Variants in NRG3 observed in about 807,000 individuals in gnomAD.
The protein encoded by NRG3 is pro-neuregulin-3, membrane-bound isoform.
In NRG3, 31 loss-of-function variants were observed where a neutral mutation model predicts 66.9. The ratio of observed to expected loss-of-function variants is 0.46; its 90% CI spans 0.35 to 0.63. The LOEUF is 0.63. Among genes scored for constraint, NRG3 ranks in the 20% least tolerant of loss-of-function variants. The pLI is 0.00. For missense variants in NRG3, 910 were observed against 878.9 expected (o/e 1.04, Z -0.45); for synonymous variants, 393 against 359.4 (o/e 1.09, Z -1.06).
chr10:82,346,143 A>G (rs1445596839), intron 1 of NRG3, among the ~76,000 whole-genome samples: 1 of 145,780 alleles, frequency 6.9e-6, no homozygotes, highest in Non-Finnish European at 1.5e-5. Flanking sequence ...GTCTTGTGCC[A>G]GTTTTCAAAG....
chr10:82,975,193 A>T (rs1852135072), intron 7 of NRG3, among the ~76,000 whole-genome samples: 1 of 152,214 alleles, frequency 6.6e-6, no homozygotes, highest in African/African-American at 2.4e-5. Flanking sequence ...TAATTAGGGA[A>T]ATAAGTCCAA....
chr10:82,974,692 A>T (rs1852083700), intron 7 of NRG3, among the ~76,000 whole-genome samples: 1 of 152,220 alleles, frequency 6.6e-6, no homozygotes, highest in Admixed American at 6.5e-5. Context: ...AATTTGAAAA[A>T]ATTATGAAAA....
intron 2 of NRG3, among the ~76,000 whole-genome samples, chr10:82,430,727 T>A (rs1362615988): frequency 6.6e-6 from 1 of 152,210 alleles, no homozygotes; most frequent in South Asian, 2.1e-4. Flanking sequence ...GTGTTTTTGG[T>A]CATGAGTAAC....
chr10:82,639,297 G>C (rs755261121), intron 2 of NRG3, among the ~76,000 whole-genome samples: 19 of 152,138 alleles, frequency 1.2e-4, no homozygotes, highest in Non-Finnish European at 2.6e-4. Context: ...GGGTAAACAG[G>C]CTCCCTTGGG....
At chr10:82,758,555 G>T (rs573252332) in intron 3 of NRG3, among the ~76,000 whole-genome samples, 9 of 152,102 alleles carry the variant, frequency 5.9e-5, no homozygotes, top group African/African-American at 2.2e-4. Context: ...CCTGTTTATT[G>T]TCACCGAATA....
chr10:82,814,767 C>T (rs1401859836), intron 3 of NRG3, among the ~76,000 whole-genome samples: 1 of 152,176 alleles, frequency 6.6e-6, no homozygotes, highest in Non-Finnish European at 1.5e-5. Context: ...TAAATATCAT[C>T]TTACTTCATT....
At chr10:82,320,529 G>T (rs760841364) in intron 1 of NRG3, among the ~76,000 whole-genome samples, 1 of 152,116 alleles carries the variant, frequency 6.6e-6, no homozygotes. Flanking sequence ...TAAAATGAAG[G>T]CATTGGACTT....
intron 2 of NRG3, among the ~76,000 whole-genome samples, chr10:82,661,947 TG>T (rs1270231597): frequency 6.6e-6 from 1 of 152,168 alleles, no homozygotes; most frequent in Admixed American, 6.5e-5. Flanking sequence ...GTGGTGAAGC[TG>T]TTTCCCATCT....
chr10:81,970,828 A>G lies in NRG3; in HGVS notation c.823+94665A>G, dbSNP rs143336228. Among the ~76,000 whole-genome samples, 91 of 152,312 alleles carry G rather than the reference A, an allele frequency of 6.0e-4. 1 individual carries two copies. Among genetic ancestry groups the G allele is most frequent in the Non-Finnish European group, 5.0e-4 (34 of 68,026 alleles). ...ACAATTTAGGAAGCACATTTTAAGA[A>G]TAACAATACAAAATTAAGAACACAA... is the stretch of plus-strand genomic sequence containing the variant. On this transcript the variant is annotated intron_variant, in intron 1 of 8. Transcript: ENST00000372141.
chr10:81,892,475 G>A (rs953765169), intron 1 of NRG3, among the ~76,000 whole-genome samples: 2 of 152,056 alleles, frequency 1.3e-5, no homozygotes, highest in African/African-American at 2.4e-5. Flanking sequence ...TACAAAGAGT[G>A]TTACAAGAAG....
intron 1 of NRG3, among the ~76,000 whole-genome samples, chr10:82,066,736 T>C (rs1365313815): frequency 6.6e-6 from 1 of 152,214 alleles, no homozygotes; most frequent in Non-Finnish European, 1.5e-5. Context: ...GTGAGTATAA[T>C]GTTCTTAGGA....
intron 1 of NRG3, among the ~76,000 whole-genome samples, chr10:81,961,010 T>C (rs1000718333): frequency 1.3e-5 from 2 of 152,174 alleles, no homozygotes; most frequent in Non-Finnish European, 2.9e-5. Flanking sequence ...AAAGGGGATG[T>C]GGGGACCTCA....
At chr10:82,852,052 C>T (rs75613416) in intron 3 of NRG3, among the ~76,000 whole-genome samples, 2 of 152,030 alleles carry the variant, frequency 1.3e-5, no homozygotes, top group African/African-American at 4.8e-5. Flanking sequence ...ATGAGCAAGG[C>T]GGGACTTTGG....
chr10:82,546,127 A>G (rs531674010), intron 2 of NRG3, among the ~76,000 whole-genome samples: 3 of 152,212 alleles, frequency 2.0e-5, no homozygotes, highest in South Asian at 2.1e-4. Flanking sequence ...GCCACCTTGC[A>G]GGTAGAATCA....
intron 2 of NRG3, among the ~76,000 whole-genome samples, chr10:82,609,145 G>A (rs1483223258): frequency 6.6e-6 from 1 of 152,136 alleles, no homozygotes; most frequent in Non-Finnish European, 1.5e-5. Context: ...AGAAAAGGAA[G>A]ACAACTTTGA....
intron 1 of NRG3, among the ~76,000 whole-genome samples, chr10:82,229,873 C>A (rs906080198): frequency 6.6e-6 from 1 of 151,692 alleles, no homozygotes; most frequent in Non-Finnish European, 1.5e-5. Context: ...TGGAAATAAC[C>A]TAAAGGAGAA....
At chr10:82,797,242 G>C (rs2060838387) in intron 3 of NRG3, among the ~76,000 whole-genome samples, 1 of 152,152 alleles carries the variant, frequency 6.6e-6, no homozygotes, top group Non-Finnish European at 1.5e-5. Context: ...CTTCATCACT[G>C]CCATAGAAAT....
At chr10:82,937,777 A>G (rs1305283803) in intron 4 of NRG3, among the ~76,000 whole-genome samples, 1 of 152,216 alleles carries the variant, frequency 6.6e-6, no homozygotes, top group African/African-American at 2.4e-5. Flanking sequence ...GTACAGGAGT[A>G]GGTTACAGTC....
intron 1 of NRG3, among the ~76,000 whole-genome samples, chr10:82,256,459 G>A (rs966668903): frequency 1.3e-5 from 2 of 152,034 alleles, no homozygotes; most frequent in African/African-American, 2.4e-5. Context: ...CAGGTGTCAC[G>A]CTGGATGTTC....
Sources: gnomAD v4.1 joint callset for allele counts (sites outside exome capture counted in the v4.1 genomes callset) on GRCh38, gnomAD v4.1.1 for gene constraint, MANE v1.5 for transcripts, NCBI Gene and HGNC (gene_info 2026-07-23, HGNC 2026-07-21) for gene names.